Variants in BZW2 observed in about 807,000 individuals in gnomAD.
BZW2 encodes the protein basic leucine zipper and W2 domains 2.
BZW2 carries 23 observed loss-of-function variants against 53.2 expected under a neutral mutation model. That is an observed-to-expected ratio of 0.43 (90% confidence interval 0.31 to 0.61). The LOEUF is 0.61. Ranked by LOEUF, BZW2 falls within the 20% of genes least tolerant of loss-of-function variation. The probability of loss-of-function intolerance (pLI) is 0.09; values close to 1 mark genes in which losing one functional copy is unlikely to be tolerated. For synonymous variants in BZW2, 227 were observed against 186.4 expected, an observed-to-expected ratio of 1.22 and a Z score of -1.77; for missense variants, 409 against 503.1, an observed-to-expected ratio of 0.81 and a Z score of 1.79.
intron 1 of BZW2, among the ~76,000 whole-genome samples, chr7:16,663,384 A>G (rs934941148): frequency 3.3e-5 from 5 of 152,108 alleles, no homozygotes; most frequent in Admixed American, 6.5e-5. Context: ...TATTAAGTTC[A>G]TTTTACTTTA....
chr7:16,689,996 T>C (rs1783252089), intron 7 of BZW2, 90 bp downstream of exon 7: 4 of 863,074 alleles, frequency 4.6e-6, no homozygotes, highest in Admixed American at 6.1e-5. Context: ...GTAAGATCCC[T>C]GGATCTGTGT....
chr7:16,668,980 A>G (rs1459824621), intron 2 of BZW2, among the ~76,000 whole-genome samples: 1 of 152,210 alleles, frequency 6.6e-6, no homozygotes, highest in East Asian at 1.9e-4. Flanking sequence ...GAAACATTTA[A>G]TAATCAAACT....
chr7:16,680,006 G>A (rs1361997810), intron 3 of BZW2, among the ~76,000 whole-genome samples: 1 of 152,004 alleles, frequency 6.6e-6, no homozygotes, highest in Non-Finnish European at 1.5e-5. Context: ...AGTCCATGGG[G>A]AAAAAAAGAT....
chr7:16,686,128 G>A, intron 6 of BZW2, 88 bp downstream of exon 6: 1 of 1,534,224 alleles, frequency 6.5e-7, no homozygotes, highest in Non-Finnish European at 8.8e-7. Context: ...GGCTCTTTTT[G>A]GTGTCCTCTA....
At chr7:16,666,476 C>G (rs1214990075) in intron 2 of BZW2, among the ~76,000 whole-genome samples, 1 of 151,752 alleles carries the variant, frequency 6.6e-6, no homozygotes, top group Non-Finnish European at 1.5e-5. Flanking sequence ...CATCTCGGCT[C>G]ACTGCAACCT....
intron 8 of BZW2, among the ~76,000 whole-genome samples, 179 bp downstream of exon 8, chr7:16,695,183 T>A (rs2128367680): frequency 6.6e-6 from 1 of 152,376 alleles, no homozygotes; most frequent in East Asian, 1.9e-4. Context: ...ATCCTCCATT[T>A]TTGTTAACAC....
intron 1 of BZW2, among the ~76,000 whole-genome samples, chr7:16,646,543 G>C (rs961576651): frequency 7.2e-5 from 11 of 152,182 alleles, no homozygotes; most frequent in Non-Finnish European, 1.2e-4. Context: ...GACCGCGGGC[G>C]GGCGGGCGGG....
Position 16,694,844 on chromosome 7 carries a change from C to T in BZW2, c.662C>T (p.Pro221Leu). 1.3e-6 allele frequency: 2 copies of T among 1,510,256 alleles called. No homozygotes were observed. Among genetic ancestry groups the T allele is most frequent in the Non-Finnish European group, 1.8e-6 (2 of 1,109,708 alleles). 93.6% of individuals were successfully genotyped at this position (1,510,256 alleles called of 1,614,324 possible). A position where few individuals can be genotyped will look rare whatever the true frequency, so the allele number is the denominator to read the frequency against. ...NLDKRLLELF[P>L]VNRQSVDHFA... The stretch of plus-strand genomic sequence containing the variant: ...TTTTCCCTTTTTCAGGAACTCTTTC[C>T]AGTTAACAGACAGAGTGTGGATCAT... Residue 221 changes from proline (P) to leucine (L), a missense_variant, in exon 8 of 12, where the codon CCA becomes CTA. Transcript: ENST00000258761.
chr7:16,676,841 G>A (rs1490153196), intron 3 of BZW2, among the ~76,000 whole-genome samples: 1 of 151,984 alleles, frequency 6.6e-6, no homozygotes, highest in African/African-American at 2.4e-5. Flanking sequence ...AGCACTGTTG[G>A]CCCTTTTGTC....
intron 6 of BZW2, chr7:16,686,243 T>C (rs1314010615): frequency 1.7e-5 from 12 of 693,422 alleles, no homozygotes; most frequent in South Asian, 1.3e-4. Context: ...AAGGAAAAAA[T>C]ATGCACACCT....
At chr7:16,690,021 G>A (rs1349563586) in intron 7 of BZW2, 115 bp downstream of exon 7, 1 of 610,646 alleles carries the variant, frequency 1.6e-6, no homozygotes, top group Non-Finnish European at 2.6e-6. Context: ...TTGGAGCACT[G>A]TTCCTTTTAT....
At chr7:16,662,478 G>A (rs1040015077) in intron 1 of BZW2, among the ~76,000 whole-genome samples, 4 of 152,064 alleles carry the variant, frequency 2.6e-5, no homozygotes, top group African/African-American at 9.7e-5. Context: ...CATATGCTGT[G>A]TTTGGTGGTA....
intron 11 of BZW2, 67 bp from the exon 12 acceptor site, chr7:16,705,993 G>C: frequency 6.3e-7 from 1 of 1,580,522 alleles, no homozygotes; most frequent in Non-Finnish European, 8.7e-7. Flanking sequence ...GTTGGTGACT[G>C]TAGTAACTTT....
At chr7:16,693,752 T>C (rs1783392596) in intron 7 of BZW2, among the ~76,000 whole-genome samples, 1 of 152,238 alleles carries the variant, frequency 6.6e-6, no homozygotes, top group African/African-American at 2.4e-5. Flanking sequence ...CAGTGTGGTA[T>C]AAAATGTTTG....
At chr7:16,696,686 C>T (rs1256404259) in intron 8 of BZW2, among the ~76,000 whole-genome samples, 1 of 152,076 alleles carries the variant, frequency 6.6e-6, no homozygotes, top group Admixed American at 6.6e-5. Flanking sequence ...CCAGCAGCTC[C>T]TGGCCAGAGC....
chr7:16,689,489 A>G (rs1783235244), intron 6 of BZW2, among the ~76,000 whole-genome samples: 1 of 152,238 alleles, frequency 6.6e-6, no homozygotes, highest in Non-Finnish European at 1.5e-5. Context: ...AAAGGCAATA[A>G]CACCAAAGAT....
chr7:16,693,214 G>A (rs1783371429), intron 7 of BZW2, among the ~76,000 whole-genome samples: 1 of 152,134 alleles, frequency 6.6e-6, no homozygotes, highest in Non-Finnish European at 1.5e-5. Flanking sequence ...GGGATGAGAT[G>A]ATACAGATTT....
At chr7:16,700,265 T>A (rs566970277) in intron 10 of BZW2, among the ~76,000 whole-genome samples, 1 of 152,226 alleles carries the variant, frequency 6.6e-6, no homozygotes, top group South Asian at 2.1e-4. Context: ...CTGGAGAACA[T>A]GCAATCCCTG....
At chr7:16,652,075 G>C (rs963619786) in intron 1 of BZW2, among the ~76,000 whole-genome samples, 1 of 152,120 alleles carries the variant, frequency 6.6e-6, no homozygotes, top group African/African-American at 2.4e-5. Flanking sequence ...CTCCAGATGG[G>C]CAGGGATCGT....
Sources: allele counts gnomAD v4.1 joint callset (sites outside exome capture counted in the v4.1 genomes callset), GRCh38; gene constraint gnomAD v4.1.1; transcripts MANE v1.5; gene names NCBI Gene and HGNC (gene_info 2026-07-23, HGNC 2026-07-21).